Variants in GALNT2 observed in about 807,000 individuals in gnomAD.
GALNT2 encodes polypeptide N-acetylgalactosaminyltransferase 2, also known as UDP-GalNAc:polypeptide N-acetylgalactosaminyltransferase 2.
A neutral mutation model predicts 81.4 loss-of-function variants in GALNT2; 31 were observed. The observed-to-expected ratio is 0.38, with a 90% CI of 0.29 to 0.51. GALNT2 has a LOEUF of 0.51. GALNT2 is among the 20% of genes least tolerant of loss of function. The pLI is 0.87. For missense variants in GALNT2, 629 were observed against 765.7 expected (o/e 0.82, Z 2.11); for synonymous variants, 303 against 287.4 (o/e 1.05, Z -0.55).
intron 2 of GALNT2, among the ~76,000 whole-genome samples, chr1:230,195,026 A>G (rs1663645343): frequency 6.6e-6 from 1 of 152,236 alleles, no homozygotes; most frequent in Admixed American, 6.5e-5. Flanking sequence ...CTTGATCTCC[A>G]AACTGAAAAG....
In GALNT2 at chr1:230,276,037, GTATATACATGCC is replaced by G. The variant is rs1666297248; in HGVS notation, c.1560+1474_1560+1485del. Among the ~76,000 whole-genome samples, 5 of 44,212 alleles carry G rather than the reference GTATATACATGCC, an allele frequency of 1.1e-4. No individual in the cohort carries two copies. In the South Asian group the frequency reaches 4.5e-3, roughly 40 times the overall value. 29.0% of individuals were successfully genotyped at this position (44,212 alleles called of 152,430 possible). A position where few individuals can be genotyped will look rare whatever the true frequency, so the allele number is the denominator to read the frequency against. The stretch of plus-strand genomic sequence containing the variant: ...ATATATACATGCCACATATATATAC[GTATATACATGCC>G]ACATATATATACGTATATATACATG... On this transcript the variant is annotated intron_variant, in intron 15 of 15. Transcript: ENST00000366672.
rs554537622 is a variant in GALNT2, at chr1:230,106,574, A to G, written c.126+39168A>G. On this transcript the variant is annotated intron_variant, in intron 1 of 15. Coordinates refer to ENST00000366672, the MANE Select transcript of GALNT2 (RefSeq NM_004481.5). ...ACATCAAAGGCTTTTGGAGGTTGAG[A>G]TGGGAACAGGATGATAGAACAGTAA... Among the ~76,000 whole-genome samples the G allele has an allele frequency of 1.1e-4, 16 of 152,364 alleles. No individual in the cohort carries two copies. In the East Asian group the frequency reaches 1.7e-3, roughly 17 times the overall value.
At position 230,151,475 on chromosome 1, in the gene GALNT2, T is replaced by C. The variant is rs777839834; in HGVS notation, c.127-26743T>C. The stretch of plus-strand genomic sequence containing the variant: ...GAAGTAATGCATGGTCTAGTTGTTT[T>C]GTAAACAGTGCTGTTTCCTGAAGAA... On this transcript the variant is annotated intron_variant, in intron 1 of 15. Coordinates refer to ENST00000366672, the MANE Select transcript of GALNT2 (RefSeq NM_004481.5). Among the ~76,000 whole-genome samples, 56 of 152,234 alleles carry C rather than the reference T, an allele frequency of 3.7e-4. 1 individual carries two copies. Among genetic ancestry groups the C allele is most frequent in the Non-Finnish European group, 1.6e-4 (11 of 68,036 alleles).
chr1:230,183,581 A>C (rs1353610900), intron 2 of GALNT2, among the ~76,000 whole-genome samples: 1 of 152,214 alleles, frequency 6.6e-6, no homozygotes, highest in East Asian at 1.9e-4. Flanking sequence ...TTCATTTTAC[A>C]TCCACATAAG....
intron 1 of GALNT2, among the ~76,000 whole-genome samples, chr1:230,176,217 G>A (rs192937982): frequency 1.6e-3 from 242 of 152,260 alleles, no homozygotes; most frequent in Middle Eastern, 3.4e-3. Flanking sequence ...TTGATTGGAA[G>A]GAAGAAGGGA....
intron 2 of GALNT2, among the ~76,000 whole-genome samples, chr1:230,202,518 T>G (rs1340813484): frequency 6.6e-6 from 1 of 152,160 alleles, no homozygotes; most frequent in Non-Finnish European, 1.5e-5. Flanking sequence ...GTATGATGTG[T>G]GTGTTAGGAA....
intron 3 of GALNT2, among the ~76,000 whole-genome samples, chr1:230,231,600 C>G (rs1012749433): frequency 1.3e-5 from 2 of 152,176 alleles, no homozygotes; most frequent in Non-Finnish European, 2.9e-5. Flanking sequence ...ATTCTTCTAC[C>G]CTGAGAGACT....
At chr1:230,207,567 A>G (rs765048119) in intron 3 of GALNT2, among the ~76,000 whole-genome samples, 1 of 152,098 alleles carries the variant, frequency 6.6e-6, no homozygotes, top group Non-Finnish European at 1.5e-5. Flanking sequence ...GTCCTCTTAG[A>G]TATTAGAAAG....
At chr1:230,222,948 A>G (rs932682236) in intron 3 of GALNT2, among the ~76,000 whole-genome samples, 3 of 152,184 alleles carry the variant, frequency 2.0e-5, no homozygotes, top group Non-Finnish European at 4.4e-5. Context: ...TTCTATGAAT[A>G]TTTGATGGGT....
intron 1 of GALNT2, among the ~76,000 whole-genome samples, chr1:230,096,274 A>AT (rs1450469008): frequency 6.6e-6 from 1 of 152,216 alleles, no homozygotes; most frequent in Non-Finnish European, 1.5e-5. Context: ...AAAGATATTA[A>AT]TTATGTGCTT....
At chr1:230,100,228 G>A (rs1252474155) in intron 1 of GALNT2, among the ~76,000 whole-genome samples, 1 of 151,832 alleles carries the variant, frequency 6.6e-6, no homozygotes, top group African/African-American at 2.4e-5. Context: ...GGCTCCATAG[G>A]ACATTGGTGA....
At chr1:230,119,720 T>C (rs111598931) in intron 1 of GALNT2, among the ~76,000 whole-genome samples, 2 of 152,242 alleles carry the variant, frequency 1.3e-5, no homozygotes, top group African/African-American at 4.8e-5. Context: ...TCCTTTTATT[T>C]ATCAGTTTCT....
intron 1 of GALNT2, among the ~76,000 whole-genome samples, chr1:230,127,101 T>TC (rs1337027413): frequency 6.6e-6 from 1 of 151,494 alleles, no homozygotes; most frequent in East Asian, 1.9e-4. Context: ...TAAACAAACG[T>TC]CCCCCCCTCC....
intron 1 of GALNT2, among the ~76,000 whole-genome samples, chr1:230,171,132 A>G (rs1662778610): frequency 6.6e-6 from 1 of 152,200 alleles, no homozygotes; most frequent in South Asian, 2.1e-4. Context: ...TGGAACGCCA[A>G]CCTTGAAGAA....
intron 3 of GALNT2, among the ~76,000 whole-genome samples, chr1:230,233,428 C>T (rs1347992541): frequency 6.6e-6 from 1 of 152,156 alleles, no homozygotes; most frequent in African/African-American, 2.4e-5. Context: ...GCCTGGCCAA[C>T]ATGGTGAAAC....
intron 1 of GALNT2, among the ~76,000 whole-genome samples, chr1:230,119,919 C>T (rs565960625): frequency 1.3e-5 from 2 of 152,080 alleles, no homozygotes; most frequent in Non-Finnish European, 2.9e-5. Flanking sequence ...CTTTGAGGAC[C>T]GTGTTGCTGT....
At chr1:230,149,694 C>T (rs990637588) in intron 1 of GALNT2, among the ~76,000 whole-genome samples, 2 of 152,064 alleles carry the variant, frequency 1.3e-5, no homozygotes, top group Admixed American at 6.6e-5. Context: ...TTGTTTTATG[C>T]CTCAGCCATG....
intron 1 of GALNT2, among the ~76,000 whole-genome samples, chr1:230,074,497 A>G (rs1258635825): frequency 6.6e-6 from 1 of 152,208 alleles, no homozygotes; most frequent in East Asian, 1.9e-4. Context: ...AGTTGTAACA[A>G]CCAAAAATGT....
rs1206976101 is a variant in GALNT2 at position 230,266,325 on chromosome 1, GATA to G, written c.1440+965_1440+967del. Reference sequence around the variant, plus strand: ...GATTCTAAAAACAGTTTTCCCATGAGATAATAATAGGAATTGGGTGAAATGTGA... The same window carrying G: ...GATTCTAAAAACAGTTTTCCCATGAGATAATAGGAATTGGGTGAAATGTGA... On this transcript the variant is annotated intron_variant, in intron 14 of 15. Coordinates refer to ENST00000366672, the MANE Select transcript of GALNT2 (RefSeq NM_004481.5). Among the ~76,000 whole-genome samples, 14 of 152,310 alleles carry G rather than the reference GATA, an allele frequency of 9.2e-5. 1 individual carries two copies. The South Asian group carries it at 2.7e-3, about 29-fold the overall frequency.
Sources: allele counts gnomAD v4.1 joint callset (sites outside exome capture counted in the v4.1 genomes callset), GRCh38; gene constraint gnomAD v4.1.1; transcripts MANE v1.5; gene names NCBI Gene and HGNC (gene_info 2026-07-23, HGNC 2026-07-21).